Variants in ALK observed in about 807,000 individuals in gnomAD.
ALK encodes the protein ALK receptor tyrosine kinase.
A neutral mutation model predicts 163.1 loss-of-function variants in ALK; 74 were observed. The observed-to-expected ratio is 0.45, with a 90% CI of 0.38 to 0.55. ALK has a LOEUF of 0.55. ALK is among the 20% of genes least tolerant of loss of function. The pLI is 0.00. For missense variants in ALK, 2,063 were observed against 2,105.3 expected, an observed-to-expected ratio of 0.98 and a Z score of 0.39; for synonymous variants, 960 against 843.2, an observed-to-expected ratio of 1.14 and a Z score of -2.40.
chr2:29,363,907 C>T (rs1158707062), intron 5 of ALK, among the ~76,000 whole-genome samples: 1 of 152,156 alleles, frequency 6.6e-6, no homozygotes, highest in East Asian at 1.9e-4. Flanking sequence ...GTAACATGGG[C>T]ATGAGGTGGC....
intron 1 of ALK, among the ~76,000 whole-genome samples, chr2:29,850,587 G>A (rs577541203): frequency 1.3e-5 from 2 of 152,244 alleles, no homozygotes; most frequent in South Asian, 2.1e-4. Flanking sequence ...CTTGCATGAG[G>A]CCTCCCAAAA....
At chr2:29,488,160 C>T (rs532206998) in intron 4 of ALK, among the ~76,000 whole-genome samples, 12 of 152,262 alleles carry the variant, frequency 7.9e-5, no homozygotes, top group South Asian at 6.2e-4. Context: ...GGACAAAGCA[C>T]GTGCTATTTA....
chr2:29,384,544 A>G (rs1668983441), intron 4 of ALK, among the ~76,000 whole-genome samples: 1 of 152,174 alleles, frequency 6.6e-6, no homozygotes, highest in South Asian at 2.1e-4. Context: ...AATAAATTAA[A>G]TGAACACTTT....
At chr2:29,751,430 G>A (rs1438238054) in intron 1 of ALK, among the ~76,000 whole-genome samples, 1 of 152,112 alleles carries the variant, frequency 6.6e-6, no homozygotes, top group African/African-American at 2.4e-5. Flanking sequence ...TGCCTGAAAT[G>A]TTGTTATGTG....
intron 3 of ALK, among the ~76,000 whole-genome samples, chr2:29,661,642 C>T (rs938894841): frequency 6.6e-6 from 1 of 152,146 alleles, no homozygotes; most frequent in Non-Finnish European, 1.5e-5. Flanking sequence ...TTGCATGGCA[C>T]ACTTGAGAGA....
intron 1 of ALK, among the ~76,000 whole-genome samples, chr2:29,773,208 C>A (rs557554035): frequency 2.2e-4 from 33 of 151,202 alleles, no homozygotes; most frequent in Non-Finnish European, 4.3e-4. Context: ...CACATCTTTT[C>A]TATCAGTAAA....
intron 3 of ALK, among the ~76,000 whole-genome samples, chr2:29,679,192 ATTGT>A (rs1260449837): frequency 1.3e-5 from 2 of 151,738 alleles, no homozygotes; most frequent in Non-Finnish European, 3.0e-5. Flanking sequence ...CTTTTGGTTA[ATTGT>A]TTGTGTGATA....
intron 12 of ALK, among the ~76,000 whole-genome samples, chr2:29,243,804 T>A (rs1664584216): frequency 6.6e-6 from 1 of 152,232 alleles, no homozygotes; most frequent in African/African-American, 2.4e-5. Flanking sequence ...CAACAAGAAA[T>A]TAATATACCT....
intron 1 of ALK, among the ~76,000 whole-genome samples, chr2:29,918,518 G>A (rs951025562): frequency 2.6e-5 from 4 of 152,142 alleles, no homozygotes; most frequent in African/African-American, 9.7e-5. Flanking sequence ...GTGCCTCTTA[G>A]GATGGTCTAT....
chr2:29,287,087 G>T (rs1573194377), intron 9 of ALK, among the ~76,000 whole-genome samples: 1 of 152,146 alleles, frequency 6.6e-6, no homozygotes, highest in Admixed American at 6.5e-5. Flanking sequence ...ATGGTGCATT[G>T]CAAAAGCTAA....
intron 4 of ALK, among the ~76,000 whole-genome samples, chr2:29,445,959 C>T (rs1202037702): frequency 1.4e-4 from 20 of 146,942 alleles, no homozygotes; most frequent in Non-Finnish European, 2.7e-4. Flanking sequence ...ATTAGCCGGG[C>T]GTAGTGGCGG....
chr2:29,446,956 T>C (rs10184885), intron 4 of ALK, among the ~76,000 whole-genome samples: 64,717 of 151,978 alleles, frequency 0.43, 14,156 homozygotes, highest in East Asian at 0.68. Flanking sequence ...ATCAGGGTAT[T>C]TGATATCATT....
At position 29,695,112 on chromosome 2, in the gene ALK, C is replaced by T. The variant is rs1250725862; in HGVS notation, c.788-98G>A. 2.9e-6 allele frequency: 4 copies of T among 1,386,320 alleles called. No homozygotes were observed. The East Asian group carries it at 9.4e-5, about 33-fold the overall frequency. The allele number at this position is 1,386,320 out of a possible 1,614,324, so 85.9% of individuals were successfully genotyped here. A position where few individuals can be genotyped will look rare whatever the true frequency, so the allele number is the denominator to read the frequency against. ...ACTAGGAGGTTGGCCTTCATCTCCC[C>T]ACATCCTTTGCCCTGTCCAAGGGAG... On this transcript the variant is annotated intron_variant, in intron 2 of 28. Transcript: ENST00000389048.
intron 18 of ALK, among the ~76,000 whole-genome samples, chr2:29,226,526 C>T (rs1664000842): frequency 6.7e-6 from 1 of 148,666 alleles, no homozygotes; most frequent in African/African-American, 2.5e-5. Context: ...GGAGCACTGT[C>T]TTCAAACACT....
At chr2:29,214,676 C>T (rs995324533) in intron 23 of ALK, among the ~76,000 whole-genome samples, 1 of 152,200 alleles carries the variant, frequency 6.6e-6, no homozygotes, top group Admixed American at 6.5e-5. Flanking sequence ...AAGGAGATGT[C>T]ACCTCCCTAC....
chr2:29,511,027 T>C (rs1304701067), intron 4 of ALK, among the ~76,000 whole-genome samples: 1 of 152,190 alleles, frequency 6.6e-6, no homozygotes, highest in Non-Finnish European at 1.5e-5. Flanking sequence ...AATGCACTTG[T>C]CTGTACATAC....
Position 29,531,965 on chromosome 2 carries a change from G to C in ALK, c.1104C>G (p.His368Gln). The C allele has an allele frequency of 6.2e-7, 1 of 1,614,194 alleles. No individual in the cohort carries two copies. The highest frequency in any genetic ancestry group is 1.1e-5 in the South Asian group (1 of 91,084). Residue 368 changes from histidine to glutamine, a missense_variant, in exon 4 of 29, where the codon CAC becomes CAG. This residue lies in a region of ALK where 987 missense variants were observed against 939.5 expected (regional missense o/e 1.05). Transcript: ENST00000389048. ...GGAGGATCTCTCTTGCAGCCTCGTT[G>C]TGGGGCAGCAGCTGGGCAATGTACC... ...SGRYIAQLLP[H>Q]NEAAREILLM...
At chr2:29,818,417 T>C (rs776195761) in intron 1 of ALK, among the ~76,000 whole-genome samples, 2 of 152,234 alleles carry the variant, frequency 1.3e-5, no homozygotes, top group Non-Finnish European at 2.9e-5. Flanking sequence ...AATTTAGGCA[T>C]AATGAAAACA....
At chr2:29,807,415 TGAG>T (rs1185071841) in intron 1 of ALK, among the ~76,000 whole-genome samples, 1 of 152,130 alleles carries the variant, frequency 6.6e-6, no homozygotes, top group African/African-American at 2.4e-5. Flanking sequence ...AGGAAGAGGG[TGAG>T]GAGGTGTCCT....
Sources: allele counts gnomAD v4.1 joint callset (sites outside exome capture counted in the v4.1 genomes callset), GRCh38; gene constraint gnomAD v4.1.1; regional missense constraint gnomAD v4.1.1; transcripts MANE v1.5; gene names NCBI Gene and HGNC (gene_info 2026-07-23, HGNC 2026-07-21).